The following KCNQ5 variants were observed in gnomAD, a reference collection of about 807,000 sequenced individuals.
The protein encoded by KCNQ5 is potassium voltage-gated channel subfamily Q member 5.
A neutral mutation model predicts 98.2 loss-of-function variants in KCNQ5; 30 were observed. That is an observed-to-expected ratio of 0.31 (90% CI 0.23 to 0.41). The LOEUF (loss-of-function observed/expected upper bound fraction) is 0.41. Ranked by LOEUF, KCNQ5 falls within the 10% of genes least tolerant of loss-of-function variation. The pLI is 1.00. For synonymous variants in KCNQ5, 458 were observed against 449.4 expected (o/e 1.02, Z -0.24); for missense variants, 835 against 1,182.5 (o/e 0.71, Z 4.31).
intron 1 of KCNQ5, among the ~76,000 whole-genome samples, chr6:72,711,823 G>A (rs1411538466): frequency 6.6e-6 from 1 of 152,178 alleles, no homozygotes; most frequent in Admixed American, 6.6e-5. Context: ...AAGGAAGTTG[G>A]TGCCATTTTA....
intron 3 of KCNQ5, among the ~76,000 whole-genome samples, chr6:73,045,747 G>A (rs1456436276): frequency 2.0e-5 from 3 of 152,284 alleles, no homozygotes; most frequent in Non-Finnish European, 2.9e-5. Flanking sequence ...TGAGCCTGAT[G>A]TGTCAGGAAG....
At chr6:72,844,504 A>G (rs1262569481) in intron 1 of KCNQ5, among the ~76,000 whole-genome samples, 3 of 152,216 alleles carry the variant, frequency 2.0e-5, no homozygotes, top group Non-Finnish European at 4.4e-5. Context: ...ACTATAAGAT[A>G]AACCCCTAAC....
At chr6:72,913,427 A>T (rs187433574) in intron 1 of KCNQ5, among the ~76,000 whole-genome samples, 6 of 152,096 alleles carry the variant, frequency 3.9e-5, no homozygotes, top group Admixed American at 6.6e-5. Context: ...CTGAGGACCA[A>T]TGGGAGACTT....
At chr6:72,643,367 C>T (rs1765425117) in intron 1 of KCNQ5, among the ~76,000 whole-genome samples, 1 of 152,174 alleles carries the variant, frequency 6.6e-6, no homozygotes, top group African/African-American at 2.4e-5. Flanking sequence ...TTAACCCTGA[C>T]TTCACATACC....
chr6:72,831,484 A>G (rs969049389), intron 1 of KCNQ5, among the ~76,000 whole-genome samples: 15 of 152,018 alleles, frequency 9.9e-5, no homozygotes, highest in African/African-American at 3.6e-4. Context: ...CAAGGACAAA[A>G]AAACAAACAT....
intron 1 of KCNQ5, among the ~76,000 whole-genome samples, chr6:72,651,366 C>T (rs553372983): frequency 8.0e-4 from 121 of 152,140 alleles, no homozygotes; most frequent in African/African-American, 2.9e-3. Context: ...TGTACTTGGG[C>T]TATGACTCCT....
At chr6:72,800,410 C>T (rs960900582) in intron 1 of KCNQ5, among the ~76,000 whole-genome samples, 4 of 152,018 alleles carry the variant, frequency 2.6e-5, no homozygotes, top group Admixed American at 2.0e-4. Flanking sequence ...AGTTTATTTG[C>T]GTAGAGGTGT....
chr6:73,108,781 C>T (rs569759004), intron 6 of KCNQ5, among the ~76,000 whole-genome samples: 41 of 152,084 alleles, frequency 2.7e-4, no homozygotes, highest in Admixed American at 7.2e-4. Flanking sequence ...GAGCCGAGAT[C>T]GCTCCACTGC....
intron 1 of KCNQ5, among the ~76,000 whole-genome samples, chr6:72,786,273 T>G (rs1353699650): frequency 1.3e-5 from 2 of 152,216 alleles, no homozygotes; most frequent in African/African-American, 2.4e-5. Context: ...GCTCTAGAGC[T>G]TACAGACTAT....
At chr6:72,888,865 T>C (rs1778949109) in intron 1 of KCNQ5, among the ~76,000 whole-genome samples, 1 of 152,186 alleles carries the variant, frequency 6.6e-6, no homozygotes, top group Admixed American at 6.5e-5. Flanking sequence ...AGCATACTTT[T>C]ATAGGCACTG....
chr6:73,176,075 A>G (rs1778200697), intron 11 of KCNQ5, among the ~76,000 whole-genome samples: 1 of 152,196 alleles, frequency 6.6e-6, no homozygotes, highest in Non-Finnish European at 1.5e-5. Flanking sequence ...AGCAGGAACC[A>G]TAAGAATGAG....
At chr6:72,756,294 A>G (rs1771965717) in intron 1 of KCNQ5, among the ~76,000 whole-genome samples, 1 of 152,154 alleles carries the variant, frequency 6.6e-6, no homozygotes, top group Non-Finnish European at 1.5e-5. Context: ...GTAATTTTGT[A>G]CATCTTCTGG....
intron 10 of KCNQ5, among the ~76,000 whole-genome samples, chr6:73,151,975 A>T (rs926483384): frequency 6.6e-6 from 1 of 152,060 alleles, no homozygotes; most frequent in African/African-American, 2.4e-5. Flanking sequence ...TCTCCACCTG[A>T]CACACTGCTT....
intron 3 of KCNQ5, among the ~76,000 whole-genome samples, chr6:73,051,112 C>T (rs1352600925): frequency 6.6e-6 from 1 of 152,186 alleles, no homozygotes; most frequent in Admixed American, 6.5e-5. Context: ...TCACCTTTAT[C>T]AGAAACTGCC....
intron 1 of KCNQ5, among the ~76,000 whole-genome samples, chr6:72,670,425 C>T (rs979310120): frequency 6.6e-6 from 1 of 152,126 alleles, no homozygotes; most frequent in Non-Finnish European, 1.5e-5. Flanking sequence ...GCAGCCTCTA[C>T]CCATCACTGA....
chr6:72,647,532 G>A (rs1765657507), intron 1 of KCNQ5, among the ~76,000 whole-genome samples: 1 of 152,064 alleles, frequency 6.6e-6, no homozygotes, highest in Non-Finnish European at 1.5e-5. Flanking sequence ...GACAGAGACT[G>A]AGAGACTGAT....
intron 1 of KCNQ5, among the ~76,000 whole-genome samples, chr6:72,844,836 G>T (rs1380024490): frequency 6.6e-6 from 1 of 152,148 alleles, no homozygotes; most frequent in Non-Finnish European, 1.5e-5. Context: ...TTCTGTGCCT[G>T]CTCCCTGTGC....
chr6:72,693,424 C>T (rs1343475572), intron 1 of KCNQ5, among the ~76,000 whole-genome samples: 2 of 152,032 alleles, frequency 1.3e-5, no homozygotes, highest in East Asian at 1.9e-4. Flanking sequence ...TGAACCTTAG[C>T]GCTGGTAGGT....
At chr6:73,029,904 C>CAAAAAA (rs56804434) in intron 2 of KCNQ5, among the ~76,000 whole-genome samples, 6 of 78,648 alleles carry the variant, frequency 7.6e-5, no homozygotes, top group Non-Finnish European at 9.0e-5. Flanking sequence ...GACTCCGTCT[C>CAAAAAA]AAAAAAAAAA....
Sources: allele counts gnomAD v4.1 joint callset (sites outside exome capture counted in the v4.1 genomes callset), GRCh38; gene constraint gnomAD v4.1.1; transcripts MANE v1.5; gene names NCBI Gene and HGNC (gene_info 2026-07-23, HGNC 2026-07-21).